The following ALG14 variants were observed in gnomAD, a reference collection of about 807,000 sequenced individuals.
ALG14 encodes the protein UDP-N-acetylglucosamine transferase subunit ALG14.
In ALG14, 17 loss-of-function variants were observed where a neutral mutation model predicts 22.8. The observed-to-expected ratio is 0.75, with a 90% CI of 0.51 to 1.12. The LOEUF (loss-of-function observed/expected upper bound fraction) is 1.12, where lower values mean the gene tolerates loss of function less well. ALG14 is among the 50% of genes most tolerant of loss of function. The pLI is 0.00. For missense variants in ALG14, 288 were observed against 271.8 expected (o/e 1.06, Z -0.42); for synonymous variants, 89 against 103.7 (o/e 0.86, Z 0.86).
chr1:94,989,400 G>C (rs1429097695), intron 3 of ALG14, among the ~76,000 whole-genome samples: 1 of 152,134 alleles, frequency 6.6e-6, no homozygotes, highest in African/African-American at 2.4e-5. Flanking sequence ...CAATTTCCCA[G>C]AGTATGAGCT....
At chr1:95,072,710 C>T in intron 1 of ALG14, 53 bp downstream of exon 1, 1 of 1,600,950 alleles carries the variant, frequency 6.2e-7, no homozygotes, top group East Asian at 2.3e-5. Context: ...GCGGTGCACT[C>T]TGGGGTTTGT....
intron 3 of ALG14, among the ~76,000 whole-genome samples, chr1:95,018,984 C>A (rs1673582024): frequency 6.6e-6 from 1 of 152,218 alleles, no homozygotes; most frequent in Non-Finnish European, 1.5e-5. Context: ...GCATGTGACA[C>A]CTGTCTTTAG....
At chr1:95,050,809 C>T (rs188678432) in intron 2 of ALG14, among the ~76,000 whole-genome samples, 226 of 151,954 alleles carry the variant, frequency 1.5e-3, no homozygotes, top group Non-Finnish European at 2.5e-3. Context: ...ATAGAAGGCC[C>T]TAAGGCCCAG....
chr1:95,038,694 A>AC (rs1403251111), intron 2 of ALG14, among the ~76,000 whole-genome samples: 1 of 151,660 alleles, frequency 6.6e-6, no homozygotes, highest in Non-Finnish European at 1.5e-5. Context: ...AAAAAAAAAA[A>AC]AACAAAGTGA....
chr1:95,065,488 A>G (rs1342374629), intron 1 of ALG14, among the ~76,000 whole-genome samples: 1 of 152,210 alleles, frequency 6.6e-6, no homozygotes, highest in African/African-American at 2.4e-5. Context: ...AGGAGTAGGG[A>G]GGCCACTGGG....
chr1:95,027,070 TACTA>T, intron 3 of ALG14, 55 bp downstream of exon 3: 1 of 1,589,694 alleles, frequency 6.3e-7, no homozygotes, highest in African/African-American at 1.3e-5. Context: ...TATGTCCTGT[TACTA>T]ACGAAAGATC....
chr1:95,005,924 G>C (rs1673207358), intron 3 of ALG14, among the ~76,000 whole-genome samples: 1 of 152,144 alleles, frequency 6.6e-6, no homozygotes, highest in African/African-American at 2.4e-5. Flanking sequence ...GTTTAGAACT[G>C]TTTGAGCCTA....
At chr1:95,044,350 C>T (rs994169102) in intron 2 of ALG14, among the ~76,000 whole-genome samples, 29 of 152,120 alleles carry the variant, frequency 1.9e-4, no homozygotes, top group African/African-American at 5.8e-4. Flanking sequence ...AACTTTCCAA[C>T]AGGTCTCTAT....
At chr1:95,045,867 A>G (rs1054589693) in intron 2 of ALG14, among the ~76,000 whole-genome samples, 1 of 148,558 alleles carries the variant, frequency 6.7e-6, no homozygotes, top group Non-Finnish European at 1.5e-5. Flanking sequence ...TAGTATACTA[A>G]TAGAATGGCA....
At chr1:95,056,186 C>A (rs1000597061) in intron 2 of ALG14, among the ~76,000 whole-genome samples, 2 of 151,990 alleles carry the variant, frequency 1.3e-5, no homozygotes, top group Non-Finnish European at 2.9e-5. Flanking sequence ...AAGATACAGA[C>A]CTATACATAC....
At chr1:95,046,278 G>C (rs910835472) in intron 2 of ALG14, among the ~76,000 whole-genome samples, 3 of 152,188 alleles carry the variant, frequency 2.0e-5, no homozygotes, top group East Asian at 1.9e-4. Flanking sequence ...GTTAGGAACC[G>C]GGCTGCACGG....
intron 3 of ALG14, among the ~76,000 whole-genome samples, chr1:95,008,393 T>C (rs1449648643): frequency 1.3e-5 from 2 of 152,216 alleles, no homozygotes; most frequent in Non-Finnish European, 1.5e-5. Flanking sequence ...GAGATAAGCT[T>C]ATGTTTCTAT....
At chr1:95,071,895 TTC>T (rs1405731594) in intron 1 of ALG14, among the ~76,000 whole-genome samples, 1 of 152,206 alleles carries the variant, frequency 6.6e-6, no homozygotes, top group African/African-American at 2.4e-5. Flanking sequence ...TTGATTTATT[TTC>T]TGTTAGTTTT....
At chr1:95,051,529 A>G (rs1674749691) in intron 2 of ALG14, among the ~76,000 whole-genome samples, 1 of 151,906 alleles carries the variant, frequency 6.6e-6, no homozygotes, top group African/African-American at 2.4e-5. Flanking sequence ...TCCCTCCTCT[A>G]CCTAAAGCCT....
intron 1 of ALG14, among the ~76,000 whole-genome samples, chr1:95,069,182 C>T (rs1675476616): frequency 6.6e-6 from 1 of 152,104 alleles, no homozygotes; most frequent in African/African-American, 2.4e-5. Flanking sequence ...GGGTGACTCT[C>T]CACTGAAAAA....
intron 2 of ALG14, among the ~76,000 whole-genome samples, chr1:95,042,434 G>A (rs1225977467): frequency 6.6e-6 from 1 of 152,110 alleles, no homozygotes; most frequent in African/African-American, 2.4e-5. Flanking sequence ...GGAGTTCTCT[G>A]TCACTTTGCT....
chr1:95,000,807 A>C (rs571747106), intron 3 of ALG14, among the ~76,000 whole-genome samples: 131 of 150,882 alleles, frequency 8.7e-4, no homozygotes, highest in African/African-American at 3.1e-3. Flanking sequence ...AAAAGGAATG[A>C]AGAAAGAGAA....
At chr1:94,998,958 G>T (rs1672979862) in intron 3 of ALG14, among the ~76,000 whole-genome samples, 1 of 151,996 alleles carries the variant, frequency 6.6e-6, no homozygotes, top group South Asian at 2.1e-4. Flanking sequence ...AAATCTCATG[G>T]GAAGCCTGCA....
intron 3 of ALG14, among the ~76,000 whole-genome samples, chr1:94,994,900 A>T (rs1205503936): frequency 1.3e-5 from 2 of 152,236 alleles, no homozygotes; most frequent in Non-Finnish European, 2.9e-5. Flanking sequence ...ATGGATTAGG[A>T]AAGGTTTTCA....
Sources: gnomAD v4.1 joint callset for allele counts (sites outside exome capture counted in the v4.1 genomes callset) on GRCh38, gnomAD v4.1.1 for gene constraint, MANE v1.5 for transcripts, NCBI Gene and HGNC (gene_info 2026-07-23, HGNC 2026-07-21) for gene names.